MAP3K5: variants seen among roughly 807,000 people sequenced by gnomAD.
MAP3K5 encodes ASK-1.
A neutral mutation model predicts 158.7 loss-of-function variants in MAP3K5; 56 were observed. The observed-to-expected ratio is 0.35, with a 90% CI of 0.28 to 0.44. The LOEUF (loss-of-function observed/expected upper bound fraction) is 0.44. MAP3K5 is among the 20% of genes least tolerant of loss of function. The pLI, the probability that MAP3K5 is intolerant of heterozygous loss-of-function variation, is 1.00. For missense variants in MAP3K5, 1,294 were observed against 1,674.8 expected, an observed-to-expected ratio of 0.77 and a Z score of 3.97; for synonymous variants, 579 against 601.7, an observed-to-expected ratio of 0.96 and a Z score of 0.55.
chr6:136,600,946 A>G (rs1775845868), intron 21 of MAP3K5, 76 bp downstream of exon 21: 1 of 1,462,316 alleles, frequency 6.8e-7, no homozygotes, highest in South Asian at 1.1e-5. Flanking sequence ...GCATGAGGCT[A>G]CTTGATGGGA....
At chr6:136,712,191 T>TTTG (rs1781338586) in intron 2 of MAP3K5, among the ~76,000 whole-genome samples, 1 of 151,242 alleles carries the variant, frequency 6.6e-6, no homozygotes, top group Non-Finnish European at 1.5e-5. Context: ...TTTTTTTTTT[T>TTTG]GAGACAGGGT....
chr6:136,700,626 G>A (rs1780811216), intron 3 of MAP3K5, among the ~76,000 whole-genome samples: 1 of 152,182 alleles, frequency 6.6e-6, no homozygotes, highest in Non-Finnish European at 1.5e-5. Flanking sequence ...TGGTGGGATG[G>A]GGTGAAATAG....
At chr6:136,648,551 C>T (rs1209696959) in intron 11 of MAP3K5, among the ~76,000 whole-genome samples, 1 of 152,012 alleles carries the variant, frequency 6.6e-6, no homozygotes, top group East Asian at 1.9e-4. Flanking sequence ...TTCATGTTGC[C>T]AACATTTAGT....
intron 15 of MAP3K5, among the ~76,000 whole-genome samples, chr6:136,619,558 C>A (rs527621026): frequency 2.6e-5 from 4 of 152,280 alleles, no homozygotes; most frequent in Non-Finnish European, 1.5e-5. Context: ...CCAGAGTAGT[C>A]CATTTGTTAC....
intron 1 of MAP3K5, among the ~76,000 whole-genome samples, chr6:136,722,376 A>G (rs1583477970): frequency 6.6e-6 from 1 of 152,212 alleles, no homozygotes. Context: ...TGAAAGGTTA[A>G]TATCTTTATA....
At chr6:136,737,033 GTGTGTA>G (rs1457770882) in intron 1 of MAP3K5, among the ~76,000 whole-genome samples, 6 of 112,010 alleles carry the variant, frequency 5.4e-5, no homozygotes, top group East Asian at 2.2e-4. Flanking sequence ...ATATATATGT[GTGTGTA>G]TATATATATA....
chr6:136,687,869 T>G (rs991218689), intron 7 of MAP3K5, among the ~76,000 whole-genome samples: 1 of 152,206 alleles, frequency 6.6e-6, no homozygotes, highest in Non-Finnish European at 1.5e-5. Context: ...TGGCGATTCC[T>G]CAAGGATCTA....
intron 7 of MAP3K5, among the ~76,000 whole-genome samples, chr6:136,693,846 G>T (rs1780490254): frequency 1.3e-5 from 2 of 152,048 alleles, no homozygotes; most frequent in African/African-American, 4.8e-5. Context: ...AAAATTAGTG[G>T]GCGTGGTGGC....
Position 136,665,072 on chromosome 6 carries a change from T to G in MAP3K5, c.1366+4211A>C, listed in dbSNP as rs1051825109. Reference sequence around the variant, plus strand: ...ATCACTGACAGCTGGGTCTTCCCATTCTACAGGTACATTTGTTCCTTTGTG... The same window carrying G: ...ATCACTGACAGCTGGGTCTTCCCATGCTACAGGTACATTTGTTCCTTTGTG... On this transcript the variant is annotated intron_variant, in intron 8 of 29. Coordinates refer to ENST00000359015, the MANE Select transcript of MAP3K5 (RefSeq NM_005923.4). 2.0e-5 allele frequency among the ~76,000 whole-genome samples: 3 copies of G among 152,218 alleles called. No homozygotes were observed. The South Asian group carries it at 6.2e-4, about 32-fold the overall frequency.
chr6:136,568,770 A>G (rs1426714658), intron 25 of MAP3K5, among the ~76,000 whole-genome samples: 1 of 151,410 alleles, frequency 6.6e-6, no homozygotes, highest in Non-Finnish European at 1.5e-5. Flanking sequence ...AGGTAGGAGA[A>G]TCACTTGAAC....
Position 136,601,029 on chromosome 6 carries a change from T to G in MAP3K5, c.2871A>C (p.Gly957=). ...TQPKLSALSA[G]SNEYLRSISL... ...AAGTAAAAACAAACTCACCATTTGA[T>G]CCAGCTGAAAGAGCTGTGGAAAGAA... The change falls in exon 21 of 30, where the codon GGA becomes GGC. Residue 957 remains glycine (G), a synonymous_variant. Coordinates refer to ENST00000359015, the MANE Select transcript of MAP3K5 (RefSeq NM_005923.4). 1 of 1,613,900 alleles carries G rather than the reference T, an allele frequency of 6.2e-7. No individual in the cohort carries two copies. The highest frequency in any genetic ancestry group is 1.1e-5 in the South Asian group (1 of 91,078).
rs758099598 is a variant in MAP3K5 at position 136,601,876 on chromosome 6, C to A, written c.2783G>T (p.Cys928Phe). The A allele has an allele frequency of 8.7e-6, 14 of 1,614,192 alleles. No homozygotes were observed. Among genetic ancestry groups the A allele is most frequent in the Non-Finnish European group, 1.1e-5 (13 of 1,180,022 alleles). ...CFEPDPDKRA[C>F]ANDLLVDEFL... ...CTCATCAACAAGCAAGTCGTTAGCACAGGCTCTCTTGTCAGGATCTGGTTC... is the reference window on the plus strand; with the variant it reads ...CTCATCAACAAGCAAGTCGTTAGCAAAGGCTCTCTTGTCAGGATCTGGTTC... The change falls in exon 20 of 30, where the codon TGT (cysteine) becomes TTT (phenylalanine). Residue 928 changes from cysteine (C) to phenylalanine (F), a missense_variant. Physicochemically the swap from Cys to Phe is radical, Grantham distance 205 (BLOSUM62 -2). Around this residue, in one of 5 missense-constraint regions of MAP3K5, gnomAD observed 362 missense variants for 463.2 expected, o/e 0.78. Transcript: ENST00000359015.
rs541908893 is a variant in MAP3K5 at position 136,559,331 on chromosome 6, G to A, written c.3988-455C>T. Among the ~76,000 whole-genome samples, 6 of 141,386 alleles carry A rather than the reference G, an allele frequency of 4.2e-5. No individual in the cohort carries two copies. The South Asian group carries it at 1.1e-3, about 26-fold the overall frequency. 92.8% of individuals were successfully genotyped at this position (141,386 alleles called of 152,430 possible). On this transcript the variant is annotated intron_variant, in intron 28 of 29. Transcript: ENST00000359015. ...TGACCCACTGCACTCCAGCCTGGGCGACAGAGTGAGACTCCGTCTCAAAAA... is the reference window on the plus strand; with the variant it reads ...TGACCCACTGCACTCCAGCCTGGGCAACAGAGTGAGACTCCGTCTCAAAAA...
rs145824089 is a variant in MAP3K5, at chr6:136,628,520, G to T, written c.2017-5539C>A. ...GCTGGGACTCAGGTGCACACCACCA[G>T]GTCCAGCTCTACAACAGGTATGCTT... On this transcript the variant is annotated intron_variant, in intron 14 of 29. Transcript: ENST00000359015. 2.7e-3 allele frequency among the ~76,000 whole-genome samples: 415 copies of T among 152,212 alleles called. 2 individuals are homozygous for T. Among genetic ancestry groups the T allele is most frequent in the African/African-American group, 9.2e-3 (382 of 41,532 alleles).
intron 7 of MAP3K5, among the ~76,000 whole-genome samples, chr6:136,689,558 A>G (rs1170588914): frequency 6.6e-6 from 1 of 152,210 alleles, no homozygotes; most frequent in East Asian, 1.9e-4. Context: ...ATGGAGCCTA[A>G]TGAAAGGTGA....
intron 1 of MAP3K5, among the ~76,000 whole-genome samples, chr6:136,789,394 T>C (rs1332370898): frequency 6.6e-6 from 1 of 152,204 alleles, no homozygotes; most frequent in Non-Finnish European, 1.5e-5. Flanking sequence ...CATGCTTTCA[T>C]GCTGACTGAG....
chr6:136,592,032 T>A (rs145041435), intron 23 of MAP3K5, 141 bp downstream of exon 23: 14 of 635,908 alleles, frequency 2.2e-5, no homozygotes, highest in Non-Finnish European at 3.6e-5. Context: ...TTTGCCTTCT[T>A]TTTTCCTGTG....
chr6:136,664,710 C>T (rs1779153087), intron 8 of MAP3K5, among the ~76,000 whole-genome samples: 1 of 152,164 alleles, frequency 6.6e-6, no homozygotes, highest in South Asian at 2.1e-4. Flanking sequence ...GTGGGCAGAT[C>T]ACTTGAGGCC....
intron 11 of MAP3K5, among the ~76,000 whole-genome samples, chr6:136,650,624 G>T (rs948272002): frequency 1.3e-5 from 2 of 152,120 alleles, no homozygotes; most frequent in Non-Finnish European, 2.9e-5. Context: ...ATTCTGACAG[G>T]CTTCCTAAAA....
Sources: gnomAD v4.1 joint callset for allele counts (sites outside exome capture counted in the v4.1 genomes callset) on GRCh38, gnomAD v4.1.1 for gene constraint, gnomAD v4.1.1 regional missense constraint, MANE v1.5 for transcripts, NCBI Gene and HGNC (gene_info 2026-07-23, HGNC 2026-07-21) for gene names.